Variants in JAK1 observed in about 807,000 individuals in gnomAD.
The protein encoded by JAK1 is tyrosine-protein kinase JAK1.
JAK1 carries 16 observed loss-of-function variants against 136.6 expected under a neutral mutation model. The ratio of observed to expected loss-of-function variants is 0.12; its 90% CI spans 0.08 to 0.18. The LOEUF (loss-of-function observed/expected upper bound fraction) is 0.18. Among genes scored for constraint, JAK1 ranks in the 10% least tolerant of loss-of-function variants. The probability of loss-of-function intolerance (pLI) is 1.00; values close to 1 mark genes in which losing one functional copy is unlikely to be tolerated. For missense variants in JAK1, 859 were observed against 1,450.1 expected (o/e 0.59, Z 6.62); for synonymous variants, 492 against 519.5 (o/e 0.95, Z 0.72).
At chr1:64,863,054 GCCTAATAC>G (rs1262520877) in intron 8 of JAK1, among the ~76,000 whole-genome samples, 3 of 148,162 alleles carry the variant, frequency 2.0e-5, no homozygotes, top group Non-Finnish European at 4.5e-5. Flanking sequence ...ATAACAGGGG[GCCTAATAC>G]CCAGGATGCA....
At chr1:64,929,067 T>G (rs1432641393) in intron 1 of JAK1, among the ~76,000 whole-genome samples, 4 of 152,214 alleles carry the variant, frequency 2.6e-5, no homozygotes, top group Non-Finnish European at 4.4e-5. Context: ...GGCCTGTACT[T>G]GTCTGGTGCC....
intron 2 of JAK1, among the ~76,000 whole-genome samples, chr1:65,028,171 C>G (rs1646993918): frequency 6.6e-6 from 1 of 152,060 alleles, no homozygotes; most frequent in South Asian, 2.1e-4. Flanking sequence ...AACTCAATGC[C>G]TCATCTCCTT....
chr1:64,878,159 A>T (rs192391981), intron 4 of JAK1, among the ~76,000 whole-genome samples: 23 of 152,332 alleles, frequency 1.5e-4, no homozygotes, highest in African/African-American at 4.3e-4. Context: ...TCTGTAAGTT[A>T]ACCTGCTTTT....
At chr1:65,050,315 T>TC (rs1198753378) in intron 1 of JAK1, among the ~76,000 whole-genome samples, 1 of 152,188 alleles carries the variant, frequency 6.6e-6, no homozygotes, top group African/African-American at 2.4e-5. Context: ...TGACAAGTGC[T>TC]CTGAAGGAAA....
chr1:64,866,785 C>T (rs1229751067), intron 7 of JAK1, 81 bp downstream of exon 7: 18 of 1,012,278 alleles, frequency 1.8e-5, no homozygotes, highest in Non-Finnish European at 2.4e-5. Flanking sequence ...GACATGCAGA[C>T]AGATGACTCC....
chr1:64,957,902 C>T (rs965985589), intron 1 of JAK1, among the ~76,000 whole-genome samples: 2 of 151,986 alleles, frequency 1.3e-5, no homozygotes, highest in African/African-American at 4.8e-5. Flanking sequence ...CGAGATAGCG[C>T]CACTGCAGCC....
At chr1:65,009,695 TA>T (rs1164489224) in intron 2 of JAK1, among the ~76,000 whole-genome samples, 1 of 152,240 alleles carries the variant, frequency 6.6e-6, no homozygotes, top group Non-Finnish European at 1.5e-5. Flanking sequence ...CTAACTCATT[TA>T]ATTCTCACAA....
intron 2 of JAK1, among the ~76,000 whole-genome samples, chr1:65,041,014 T>C (rs1204124904): frequency 1.3e-5 from 2 of 152,132 alleles, no homozygotes; most frequent in Admixed American, 6.5e-5. Flanking sequence ...ATCATTTCAA[T>C]GTAGTGGGTA....
At chr1:65,015,485 A>G (rs995399905) in intron 2 of JAK1, among the ~76,000 whole-genome samples, 4 of 152,178 alleles carry the variant, frequency 2.6e-5, no homozygotes, top group Admixed American at 1.3e-4. Context: ...AGGAATAAAA[A>G]TAATACAAAA....
At chr1:65,054,077 A>G (rs1012964357) in intron 1 of JAK1, among the ~76,000 whole-genome samples, 4 of 152,016 alleles carry the variant, frequency 2.6e-5, no homozygotes, top group Non-Finnish European at 4.4e-5. Context: ...CTAAGTGAGG[A>G]CTTTGTGATG....
chr1:64,995,875 A>C (rs556123822), intron 2 of JAK1, among the ~76,000 whole-genome samples: 1 of 151,980 alleles, frequency 6.6e-6, no homozygotes, highest in Non-Finnish European at 1.5e-5. Context: ...AGTAGCCGGG[A>C]CTACAGCTGT....
intron 3 of JAK1, among the ~76,000 whole-genome samples, chr1:64,882,701 A>G (rs1301174416): frequency 6.6e-6 from 1 of 151,968 alleles, no homozygotes; most frequent in African/African-American, 2.4e-5. Flanking sequence ...TTGAAAGGAG[A>G]AAAAAAAGCT....
rs771205615 is a variant in JAK1, at chr1:64,850,894, C to T, written c.1665G>A (p.Leu555=). ...QPKPREISNL[L]VATKKAQEWQ... ...ACTCCTGGGCTTTCTTAGTAGCCAC[C>T]AGCAGGTTGGAGATTTCTGTGGAAG... The change falls in exon 12 of 25, where the codon CTG becomes CTA. Residue 555 remains leucine, a synonymous_variant. Coordinates refer to ENST00000342505, the MANE Select transcript of JAK1 (RefSeq NM_002227.4). 41 of 1,613,542 alleles carry T rather than the reference C, an allele frequency of 2.5e-5. No homozygotes were observed. In the South Asian group the frequency reaches 4.0e-4, roughly 16 times the overall value.
rs192015877 is a variant in JAK1, at chr1:64,908,781, T to G, written c.-77-22440A>C. 2.0e-3 allele frequency among the ~76,000 whole-genome samples: 310 copies of G among 152,204 alleles called. 4 individuals are homozygous for G. Among genetic ancestry groups the G allele is most frequent in the Admixed American group, 0.017 (267 of 15,280 alleles). ...ACCCCTTGTTAAAATAAAGATTCAG[T>G]GTACACTGTATTTATGAATATAACC... On this transcript the variant is annotated intron_variant, in intron 1 of 24. Coordinates refer to ENST00000342505, the MANE Select transcript of JAK1 (RefSeq NM_002227.4).
chr1:64,913,357 C>G (rs1645317971), intron 1 of JAK1, among the ~76,000 whole-genome samples: 1 of 152,076 alleles, frequency 6.6e-6, no homozygotes, highest in African/African-American at 2.4e-5. Context: ...ACCCTACTGA[C>G]AGCAGAATTC....
chr1:64,985,375 C>T (rs755712293), intron 2 of JAK1: 19 of 1,611,262 alleles, frequency 1.2e-5, no homozygotes, highest in Non-Finnish European at 1.5e-5. Context: ...TCTTTCATCT[C>T]CTGGATGTCT....
At chr1:64,994,122 G>C (rs1409680359) in intron 2 of JAK1, among the ~76,000 whole-genome samples, 6 of 152,046 alleles carry the variant, frequency 3.9e-5, no homozygotes, top group Non-Finnish European at 8.8e-5. Context: ...TGTATTTTTT[G>C]TAGAGACAGG....
At chr1:64,921,357 C>G (rs1645491348) in intron 1 of JAK1, among the ~76,000 whole-genome samples, 1 of 152,132 alleles carries the variant, frequency 6.6e-6, no homozygotes, top group Non-Finnish European at 1.5e-5. Context: ...TCGCCTCTCC[C>G]TTTCTGCACA....
chr1:65,063,467 C>T lies in JAK1; in HGVS notation c.-181+4137G>A, dbSNP rs1055600404. ...AACACAGCAGTGGAAAATAGAAACACAAACATGAAATAACAATATTTCATA... is the reference window on the plus strand; with the variant it reads ...AACACAGCAGTGGAAAATAGAAACATAAACATGAAATAACAATATTTCATA... On this transcript the variant is annotated intron_variant, in intron 1 of 25. Transcript: ENST00000671954. Among the ~76,000 whole-genome samples the T allele has an allele frequency of 1.8e-4, 27 of 152,276 alleles. 1 individual carries two copies. The highest frequency in any genetic ancestry group is 5.3e-4 in the African/African-American group (22 of 41,552).
Sources: gnomAD v4.1 joint callset for allele counts (sites outside exome capture counted in the v4.1 genomes callset) on GRCh38, gnomAD v4.1.1 for gene constraint, MANE v1.5 for transcripts, NCBI Gene and HGNC (gene_info 2026-07-23, HGNC 2026-07-21) for gene names.